Variants in PTPN9 observed in about 807,000 individuals in gnomAD.
The protein encoded by PTPN9 is protein tyrosine phosphatase non-receptor type 9, also known as tyrosine-protein phosphatase non-receptor type 9.
A neutral mutation model predicts 69.8 loss-of-function variants in PTPN9; 26 were observed. The ratio of observed to expected loss-of-function variants is 0.37; its 90% confidence interval spans 0.27 to 0.52. The LOEUF (loss-of-function observed/expected upper bound fraction) is 0.52, where lower values mean the gene tolerates loss of function less well. Among genes scored for constraint, PTPN9 ranks in the 20% least tolerant of loss-of-function variants. The probability of loss-of-function intolerance (pLI) is 0.91; values close to 1 mark genes in which losing one functional copy is unlikely to be tolerated. For synonymous variants in PTPN9, 274 were observed against 272.5 expected (o/e 1.01, Z -0.05); for missense variants, 549 against 740.3 (o/e 0.74, Z 3.00).
At position 75,468,650 on chromosome 15, in the gene PTPN9, G is replaced by A. The variant is rs2074548048; in HGVS notation, c.*119C>T. ...TGCCTTGCGTGCACACGTGTGCTGGGAGACACAAGAAAGAAGTTGATCCAT... is the reference window on the plus strand; with the variant it reads ...TGCCTTGCGTGCACACGTGTGCTGGAAGACACAAGAAAGAAGTTGATCCAT... On this transcript the variant is annotated 3_prime_UTR_variant, in exon 13 of 13. Transcript: ENST00000618819. 2 of 876,954 alleles carry A rather than the reference G, an allele frequency of 2.3e-6. No individual in the cohort carries two copies. Among genetic ancestry groups the A allele is most frequent in the East Asian group, 2.4e-5 (1 of 40,910 alleles). The allele number at this position is 876,954 out of a possible 1,614,324, so 54.3% of individuals were successfully genotyped here.
intron 1 of PTPN9, among the ~76,000 whole-genome samples, chr15:75,545,337 A>T (rs1043940787): frequency 1.3e-5 from 2 of 152,090 alleles, no homozygotes; most frequent in Non-Finnish European, 2.9e-5. Flanking sequence ...GGAGGCTGAG[A>T]TGAGTAGAAT....
At chr15:75,510,875 C>T (rs578094244) in intron 5 of PTPN9, among the ~76,000 whole-genome samples, 1 of 152,224 alleles carries the variant, frequency 6.6e-6, no homozygotes, top group East Asian at 1.9e-4. Flanking sequence ...CTCCCTATTC[C>T]CTTCTCCCCC....
chr15:75,517,659 C>T (rs906136589), intron 4 of PTPN9, among the ~76,000 whole-genome samples: 1 of 152,186 alleles, frequency 6.6e-6, no homozygotes, highest in Non-Finnish European at 1.5e-5. Context: ...TCTACCTACC[C>T]AAATCATATA....
intron 1 of PTPN9, among the ~76,000 whole-genome samples, chr15:75,540,665 C>T (rs962403555): frequency 1.1e-4 from 17 of 152,100 alleles, no homozygotes; most frequent in Admixed American, 1.0e-3. Context: ...AAGAATGATC[C>T]AGGCGGCTGC....
At position 75,498,433 on chromosome 15, in the gene PTPN9, G is replaced by A. The variant is rs187374314; in HGVS notation, c.968+7242C>T. On this transcript the variant is annotated intron_variant, in intron 7 of 12. Transcript: ENST00000618819. ...GTATATGTTTACTATAGGGCAATGA[G>A]GCTGGGCACGGTGGCTCACACCTGT... 3.1e-4 allele frequency among the ~76,000 whole-genome samples: 47 copies of A among 151,672 alleles called. No homozygotes were observed. The East Asian group carries it at 5.3e-3, about 17-fold the overall frequency.
At chr15:75,486,410 T>C (rs1467435996) in intron 8 of PTPN9, among the ~76,000 whole-genome samples, 2 of 152,096 alleles carry the variant, frequency 1.3e-5, no homozygotes, top group Admixed American at 6.6e-5. Context: ...CCTTCTGCCA[T>C]GTGAGGATGC....
At chr15:75,564,612 T>A (rs950686486) in intron 1 of PTPN9, among the ~76,000 whole-genome samples, 28 of 137,360 alleles carry the variant, frequency 2.0e-4, no homozygotes, top group Admixed American at 2.9e-4. Context: ...AAAAAAAAAA[T>A]ATGACACCAC....
At chr15:75,565,475 G>GCTGT (rs2075122846) in intron 1 of PTPN9, among the ~76,000 whole-genome samples, 1 of 152,082 alleles carries the variant, frequency 6.6e-6, no homozygotes, top group Admixed American at 6.6e-5. Flanking sequence ...GCTGTAGGGA[G>GCTGT]CTGTCCTATG....
At chr15:75,503,545 G>C (rs1458988261) in intron 7 of PTPN9, among the ~76,000 whole-genome samples, 1 of 117,316 alleles carries the variant, frequency 8.5e-6, no homozygotes, top group Admixed American at 8.8e-5. Context: ...GGAGGGAGGT[G>C]GGGGGGTCAG....
intron 1 of PTPN9, among the ~76,000 whole-genome samples, chr15:75,546,839 CAAG>C (rs1211891942): frequency 2.6e-5 from 4 of 151,882 alleles, no homozygotes; most frequent in African/African-American, 9.7e-5. Context: ...GAAAGGGTTT[CAAG>C]AAGAAAGTAA....
chr15:75,518,722 C>T (rs2074885297), intron 4 of PTPN9, among the ~76,000 whole-genome samples: 1 of 150,884 alleles, frequency 6.6e-6, no homozygotes, highest in Admixed American at 6.6e-5. Flanking sequence ...GAGGCTGAGG[C>T]AGGAGAATTG....
intron 4 of PTPN9, among the ~76,000 whole-genome samples, chr15:75,522,344 T>A (rs1485020274): frequency 6.6e-6 from 1 of 152,134 alleles, no homozygotes; most frequent in East Asian, 1.9e-4. Context: ...CTTCTGGGCT[T>A]CTCCCTGAAT....
chr15:75,505,955 A>G lies in PTPN9; in HGVS notation c.688T>C (p.Cys230Arg). 6.2e-7 allele frequency: 1 copy of G among 1,613,896 alleles called. No homozygotes were observed. The change falls in exon 7 of 13, where the codon TGT becomes CGT. Residue 230 changes from cysteine to arginine, a missense_variant. Physicochemically the swap from Cys to Arg is radical, Grantham distance 180. This residue lies in a region of PTPN9 where 457 missense variants were observed against 661.9 expected (regional missense o/e 0.69). Transcript: ENST00000618819. ...TACCCACCCAGGTTTTCTGGAAGACACTCCCTGGGCAGATGCTGCGTGACC... is the reference window on the plus strand; with the variant it reads ...TACCCACCCAGGTTTTCTGGAAGACGCTCCCTGGGCAGATGCTGCGTGACC... The part of the protein sequence containing the change: ...SEVTQHLPRE[C>R]LPENLGGYVK...
At chr15:75,525,546 C>T (rs964554572) in intron 2 of PTPN9, among the ~76,000 whole-genome samples, 7 of 151,538 alleles carry the variant, frequency 4.6e-5, no homozygotes, top group South Asian at 2.1e-4. Context: ...TTCCTTTTTC[C>T]GGAGACATTC....
intron 1 of PTPN9, among the ~76,000 whole-genome samples, chr15:75,559,580 G>C (rs1038542638): frequency 6.6e-6 from 1 of 152,120 alleles, no homozygotes; most frequent in African/African-American, 2.4e-5. Flanking sequence ...CAGCATGCTT[G>C]TTAAGAGTCA....
intron 5 of PTPN9, among the ~76,000 whole-genome samples, chr15:75,511,873 T>A (rs924398394): frequency 3.3e-5 from 5 of 149,288 alleles, no homozygotes; most frequent in Non-Finnish European, 6.0e-5. Flanking sequence ...CTTTAATATT[T>A]TTTTTTTTTT....
chr15:75,482,021 G>A (rs1161472228), intron 8 of PTPN9, among the ~76,000 whole-genome samples: 3 of 147,824 alleles, frequency 2.0e-5, no homozygotes, highest in African/African-American at 5.0e-5. Flanking sequence ...AGAAAGGGGG[G>A]AAAGGTGGGG....
At chr15:75,504,511 T>TG (rs1217708368) in intron 7 of PTPN9, among the ~76,000 whole-genome samples, 31 of 62,722 alleles carry the variant, frequency 4.9e-4, no homozygotes, top group African/African-American at 1.0e-3. Flanking sequence ...GGGAGGGAGG[T>TG]GGGGGGGGTC....
intron 8 of PTPN9, chr15:75,480,819 G>GC (rs942093569): frequency 3.7e-6 from 2 of 537,192 alleles, no homozygotes; most frequent in Non-Finnish European, 5.4e-6. Flanking sequence ...GCCCCGCGGG[G>GC]CCCGAGGGCA....
Sources: allele counts gnomAD v4.1 joint callset (sites outside exome capture counted in the v4.1 genomes callset), GRCh38; gene constraint gnomAD v4.1.1; regional missense constraint gnomAD v4.1.1; transcripts MANE v1.5; gene names NCBI Gene and HGNC (gene_info 2026-07-23, HGNC 2026-07-21).